PAPPA2: variants seen among roughly 807,000 people sequenced by gnomAD.
The protein encoded by PAPPA2 is pappalysin 2, also known as pappalysin-2.
In PAPPA2, 86 loss-of-function variants were observed where a neutral mutation model predicts 176.4. That is an observed-to-expected ratio of 0.49 (90% CI 0.41 to 0.58). PAPPA2 has a LOEUF of 0.58. Ranked by LOEUF, PAPPA2 falls within the 20% of genes least tolerant of loss-of-function variation. PAPPA2 has a pLI of 0.00. For missense variants in PAPPA2, 2,073 were observed against 2,256.9 expected, an observed-to-expected ratio of 0.92 and a Z score of 1.65; for synonymous variants, 809 against 852.2, an observed-to-expected ratio of 0.95 and a Z score of 0.88.
At chr1:176,798,036 A>G (rs573764284) in intron 20 of PAPPA2, among the ~76,000 whole-genome samples, 6 of 152,200 alleles carry the variant, frequency 3.9e-5, no homozygotes, top group Admixed American at 6.5e-5. Flanking sequence ...GGATTTTGCA[A>G]TCTAGGAAAG....
chr1:176,514,873 C>T (rs1648818203), intron 1 of PAPPA2, among the ~76,000 whole-genome samples: 1 of 152,190 alleles, frequency 6.6e-6, no homozygotes, highest in East Asian at 1.9e-4. Context: ...CCAGACTGGC[C>T]TTGCTGTTCA....
At chr1:176,690,734 C>G in intron 5 of PAPPA2, 1 of 1,176,170 alleles carries the variant, frequency 8.5e-7, no homozygotes, top group Non-Finnish European at 1.1e-6. Flanking sequence ...CCCTTGACTT[C>G]TAGAATGTGG....
chr1:176,821,300 G>A (rs1031050564), intron 21 of PAPPA2, among the ~76,000 whole-genome samples: 3 of 152,172 alleles, frequency 2.0e-5, no homozygotes, highest in Admixed American at 2.0e-4. Context: ...TGGGAGCACA[G>A]GGAATAAAGC....
chr1:176,595,624 C>T (rs1653938327), intron 3 of PAPPA2, 29 bp downstream of exon 3: 1 of 1,572,584 alleles, frequency 6.4e-7, no homozygotes, highest in South Asian at 1.2e-5. Flanking sequence ...GGGTGTCCTA[C>T]TTGTAGGATG....
chr1:176,572,751 A>T (rs1652424773), intron 2 of PAPPA2, among the ~76,000 whole-genome samples: 1 of 152,250 alleles, frequency 6.6e-6, no homozygotes, highest in Admixed American at 6.5e-5. Context: ...TTTCACTTTA[A>T]GAAAACCTGA....
At position 176,556,488 on chromosome 1, in the gene PAPPA2, G is replaced by A. The variant is rs747449915; in HGVS notation, c.166G>A (p.Val56Ile). 3 of 1,614,054 alleles carry A rather than the reference G, an allele frequency of 1.9e-6. No homozygotes were observed. Among genetic ancestry groups the A allele is most frequent in the Admixed American group, 1.7e-5 (1 of 60,004 alleles). ...EGERCWLGAK[V>I]RRPRASPQHH... ...AGAACGTTGTTGGCTGGGGGCCAAGGTTCGAAGACCCAGAGCTTCTCCACA... is the reference window on the plus strand; with the variant it reads ...AGAACGTTGTTGGCTGGGGGCCAAGATTCGAAGACCCAGAGCTTCTCCACA... Residue 56 changes from valine to isoleucine, a missense_variant, in exon 2 of 23, where the codon GTT becomes ATT. By Grantham distance (29) the Val-to-Ile change is conservative (BLOSUM62 3). Around this residue, in one of 4 missense-constraint regions of PAPPA2, gnomAD observed 1,196 missense variants for 1,330.4 expected, o/e 0.90. Transcript: ENST00000367662.
chr1:176,603,391 C>T (rs1470586295), intron 3 of PAPPA2, among the ~76,000 whole-genome samples: 1 of 152,164 alleles, frequency 6.6e-6, no homozygotes, highest in Admixed American at 6.5e-5. Flanking sequence ...TTCCCCTAAC[C>T]AGGCCCTCTT....
In PAPPA2 at chr1:176,555,959, TGAA is replaced by T. The variant is rs1651253126; in HGVS notation, c.-356_-354del. On this transcript the variant is annotated 5_prime_UTR_variant, in exon 2 of 23. Transcript: ENST00000367662. The stretch of plus-strand genomic sequence containing the variant: ...TAGTATCAGTGAGGGGAGGGATTAC[TGAA>T]GAAGAAGGGGGGAAAAAAAAAGAAA... 1 of 219,058 alleles carries T rather than the reference TGAA, an allele frequency of 4.6e-6. No individual in the cohort carries two copies. The highest frequency in any genetic ancestry group is 9.0e-6 in the Non-Finnish European group (1 of 110,662). 13.6% of individuals were successfully genotyped at this position (219,058 alleles called of 1,614,324 possible).
Position 176,736,760 on chromosome 1 carries a change from A to C in PAPPA2, c.3799-2866A>C, listed in dbSNP as rs1046415270. Among the ~76,000 whole-genome samples the C allele has an allele frequency of 1.7e-4, 25 of 151,056 alleles. 1 individual carries two copies. The highest frequency in any genetic ancestry group is 6.8e-3 in the Middle Eastern group (2 of 292). ...TTTTTAATAAATACATTTTAAACTA[A>C]ATTTCTGAAAAGCCTGCAAGAAAAA... On this transcript the variant is annotated intron_variant, in intron 12 of 22. Transcript: ENST00000367662.
chr1:176,812,400 A>G (rs936032157), intron 21 of PAPPA2, among the ~76,000 whole-genome samples: 15 of 152,152 alleles, frequency 9.9e-5, no homozygotes, highest in African/African-American at 3.4e-4. Flanking sequence ...AATGGGCAGC[A>G]TGCAAAATTA....
At position 176,711,950 on chromosome 1, in the gene PAPPA2, G is replaced by A; in HGVS notation, c.3767G>A (p.Ser1256Asn). ...QDDRSEQPEG[S>N]LKKEDEVWLK... The stretch of plus-strand genomic sequence containing the variant: ...GACAGGAGTGAACAGCCAGAAGGTA[G>A]CCTGAAGAAAGAGGATGAGGTTTGG... Residue 1256 changes from serine to asparagine, a missense_variant, in exon 12 of 23, where the codon AGC becomes AAC. Transcript: ENST00000367662. 6.2e-7 allele frequency: 1 copy of A among 1,613,456 alleles called. No individual in the cohort carries two copies. Among genetic ancestry groups the A allele is most frequent in the Non-Finnish European group, 8.5e-7 (1 of 1,179,474 alleles).
chr1:176,647,029 C>T (rs1441772779), intron 3 of PAPPA2, among the ~76,000 whole-genome samples: 1 of 151,566 alleles, frequency 6.6e-6, no homozygotes, highest in Non-Finnish European at 1.5e-5. Context: ...TTCTTACCTA[C>T]TGTATATAAC....
chr1:176,529,458 G>A (rs1045410290), intron 1 of PAPPA2, among the ~76,000 whole-genome samples: 10 of 136,510 alleles, frequency 7.3e-5, no homozygotes, highest in African/African-American at 2.8e-4. Flanking sequence ...CCTGGCTGCC[G>A]ATTTCACCGA....
At chr1:176,776,855 G>A (rs995456872) in intron 17 of PAPPA2, among the ~76,000 whole-genome samples, 24 of 149,954 alleles carry the variant, frequency 1.6e-4, no homozygotes, top group Admixed American at 1.3e-3. Flanking sequence ...TTATATAATA[G>A]TATATAATTT....
chr1:176,606,587 C>G (rs1371768606), intron 3 of PAPPA2, among the ~76,000 whole-genome samples: 1 of 152,160 alleles, frequency 6.6e-6, no homozygotes, highest in South Asian at 2.1e-4. Context: ...GCCTCAGCCT[C>G]CCGAGTGGCT....
chr1:176,524,234 A>G (rs1649359060), intron 1 of PAPPA2, among the ~76,000 whole-genome samples: 1 of 152,144 alleles, frequency 6.6e-6, no homozygotes, highest in Non-Finnish European at 1.5e-5. Context: ...TAAGCCATAT[A>G]CGCTGCAGAG....
At chr1:176,774,960 G>C (rs1337866850) in intron 17 of PAPPA2, among the ~76,000 whole-genome samples, 3 of 152,114 alleles carry the variant, frequency 2.0e-5, no homozygotes, top group African/African-American at 7.2e-5. Flanking sequence ...AGGGCCTTCA[G>C]ACATGGAATT....
At chr1:176,734,217 T>A (rs925066549) in intron 12 of PAPPA2, among the ~76,000 whole-genome samples, 1 of 152,112 alleles carries the variant, frequency 6.6e-6, no homozygotes, top group Non-Finnish European at 1.5e-5. Context: ...GTGTCTAAAA[T>A]CACAGTTTGA....
intron 1 of PAPPA2, among the ~76,000 whole-genome samples, chr1:176,521,689 G>A (rs79668657): frequency 0.028 from 4,246 of 152,304 alleles, 90 homozygotes; most frequent in Middle Eastern, 0.054. Flanking sequence ...ACAGCCACCA[G>A]CTTATTACAC....
Sources: gnomAD v4.1 joint callset for allele counts (sites outside exome capture counted in the v4.1 genomes callset) on GRCh38, gnomAD v4.1.1 for gene constraint, gnomAD v4.1.1 regional missense constraint, MANE v1.5 for transcripts, NCBI Gene and HGNC (gene_info 2026-07-23, HGNC 2026-07-21) for gene names.